The following SLC44A5 variants were observed in gnomAD, a reference collection of about 807,000 sequenced individuals.
SLC44A5 encodes the protein solute carrier family 44 member 5.
SLC44A5 carries 57 observed loss-of-function variants against 101.8 expected under a neutral mutation model. The ratio of observed to expected loss-of-function variants is 0.56; its 90% CI spans 0.45 to 0.70. SLC44A5 has a LOEUF of 0.70. Among genes scored for constraint, SLC44A5 ranks in the 30% least tolerant of loss-of-function variants. The pLI is 0.00. For synonymous variants in SLC44A5, 281 were observed against 290.9 expected (o/e 0.97, Z 0.35); for missense variants, 737 against 853.1 (o/e 0.86, Z 1.70).
At position 75,581,858 on chromosome 1, in the gene SLC44A5, C is replaced by A. The variant is rs1005904526; in HGVS notation, c.-70+29182G>T. 2.6e-5 allele frequency among the ~76,000 whole-genome samples: 4 copies of A among 152,218 alleles called. No individual in the cohort carries two copies. In the South Asian group the frequency reaches 8.3e-4, roughly 32 times the overall value. ...ACCATGTGATTTCTGAACACAGCAG[C>A]TCCTCTTTGCTTTCCACTGTGACTG... On this transcript the variant is annotated intron_variant, in intron 1 of 23. Coordinates refer to ENST00000370859, the MANE Select transcript of SLC44A5 (RefSeq NM_001130058.2).
chr1:75,383,968 C>T (rs932262867), intron 3 of SLC44A5, among the ~76,000 whole-genome samples: 52 of 151,572 alleles, frequency 3.4e-4, no homozygotes, highest in South Asian at 1.5e-3. Context: ...GCTTCATAAG[C>T]GAAGGAGAAA....
the SLC44A5 span, among the ~76,000 whole-genome samples, chr1:75,648,894 T>A: frequency 3.4e-4 from 52 of 152,332 alleles, no homozygotes; most frequent in African/African-American, 1.3e-3. Flanking sequence ...ATTATGGATA[T>A]TTTATAATAT....
chr1:75,612,729 A>G (rs1324130474), upstream of SLC44A5, among the ~76,000 whole-genome samples: 1 of 152,108 alleles, frequency 6.6e-6, no homozygotes. Context: ...TATGTGCTAA[A>G]TGAATAAATG....
At chr1:75,376,271 C>T (rs1461640438) in intron 3 of SLC44A5, among the ~76,000 whole-genome samples, 1 of 152,248 alleles carries the variant, frequency 6.6e-6, no homozygotes, top group Non-Finnish European at 1.5e-5. Flanking sequence ...GGGGCGCCCG[C>T]CATTGCCCAG....
At chr1:75,208,269 C>T (rs1185358838) in intron 23 of SLC44A5, among the ~76,000 whole-genome samples, 4 of 152,150 alleles carry the variant, frequency 2.6e-5, no homozygotes, top group South Asian at 2.1e-4. Context: ...AGTAGTTCTG[C>T]TGTCTCAGCC....
chr1:75,333,274 T>C (rs1337425563), intron 4 of SLC44A5, among the ~76,000 whole-genome samples: 2 of 152,116 alleles, frequency 1.3e-5, no homozygotes, highest in Non-Finnish European at 2.9e-5. Flanking sequence ...AGAATGCAAA[T>C]GTGAATTGAA....
chr1:75,569,608 T>C (rs1345245603), intron 1 of SLC44A5, among the ~76,000 whole-genome samples: 1 of 152,186 alleles, frequency 6.6e-6, no homozygotes, highest in Non-Finnish European at 1.5e-5. Flanking sequence ...GAACACAAGT[T>C]CCTTGCAGGT....
chr1:75,482,978 A>G (rs1295841637), intron 2 of SLC44A5, among the ~76,000 whole-genome samples: 1 of 152,260 alleles, frequency 6.6e-6, no homozygotes, highest in African/African-American at 2.4e-5. Context: ...AATAAATTTG[A>G]AAATTGAATA....
intron 2 of SLC44A5, among the ~76,000 whole-genome samples, chr1:75,502,851 G>A (rs2101844779): frequency 6.6e-6 from 1 of 152,240 alleles, no homozygotes; most frequent in Non-Finnish European, 1.5e-5. Context: ...GTATTGTAAT[G>A]TAATAGGCCT....
At chr1:75,299,430 T>C (rs547222736) in intron 5 of SLC44A5, among the ~76,000 whole-genome samples, 14 of 152,324 alleles carry the variant, frequency 9.2e-5, no homozygotes, top group African/African-American at 3.4e-4. Flanking sequence ...AAGATAAAAC[T>C]GAAGAGCAGG....
the SLC44A5 span, among the ~76,000 whole-genome samples, chr1:75,702,610 A>C: frequency 1.3e-5 from 2 of 152,228 alleles, no homozygotes; most frequent in African/African-American, 4.8e-5. Flanking sequence ...CGAGGACTTC[A>C]TGTCTAAAAC....
At chr1:75,549,199 A>G (rs116677987) in intron 1 of SLC44A5, among the ~76,000 whole-genome samples, 15 of 152,260 alleles carry the variant, frequency 9.9e-5, no homozygotes, top group Non-Finnish European at 1.5e-4. Context: ...TTGGGTAACT[A>G]GACACTGAGA....
chr1:75,321,669 A>G (rs1234416469), intron 4 of SLC44A5, among the ~76,000 whole-genome samples: 1 of 152,250 alleles, frequency 6.6e-6, no homozygotes, highest in East Asian at 1.9e-4. Flanking sequence ...AATATAATGA[A>G]GCAGATAAAA....
chr1:75,341,079 T>G (rs1031228932), intron 3 of SLC44A5, among the ~76,000 whole-genome samples: 9 of 152,234 alleles, frequency 5.9e-5, no homozygotes, highest in African/African-American at 2.2e-4. Flanking sequence ...CTCTCTTGGC[T>G]TACATTTTAA....
chr1:75,364,026 C>G (rs906463713), intron 3 of SLC44A5, among the ~76,000 whole-genome samples: 2 of 152,150 alleles, frequency 1.3e-5, no homozygotes, highest in African/African-American at 4.8e-5. Context: ...GCTAAGAAAT[C>G]TGCTGACAGA....
At chr1:75,513,657 T>C (rs1423315399) in intron 2 of SLC44A5, among the ~76,000 whole-genome samples, 1 of 152,236 alleles carries the variant, frequency 6.6e-6, no homozygotes, top group Non-Finnish European at 1.5e-5. Flanking sequence ...TGGAAATGAA[T>C]GCTATGCACC....
the SLC44A5 span, among the ~76,000 whole-genome samples, chr1:75,687,461 G>A: frequency 1.3e-5 from 2 of 151,656 alleles, no homozygotes; most frequent in African/African-American, 4.8e-5. Flanking sequence ...CCACCAACAC[G>A]CCTGGCTAAT....
chr1:75,693,754 AG>A, the SLC44A5 span, among the ~76,000 whole-genome samples: 1 of 152,184 alleles, frequency 6.6e-6, no homozygotes, highest in Non-Finnish European at 1.5e-5. Context: ...AGAAAATCTA[AG>A]GAAGTGGGAT....
At chr1:75,572,738 A>G (rs544220290) in intron 1 of SLC44A5, among the ~76,000 whole-genome samples, 1 of 152,300 alleles carries the variant, frequency 6.6e-6, no homozygotes, top group South Asian at 2.1e-4. Context: ...GTTAATCTGT[A>G]GGAAAACAGA....
Sources: allele counts gnomAD v4.1 joint callset (sites outside exome capture counted in the v4.1 genomes callset), GRCh38; gene constraint gnomAD v4.1.1; transcripts MANE v1.5; gene names NCBI Gene and HGNC (gene_info 2026-07-23, HGNC 2026-07-21).